KCNQ5: variants seen among roughly 807,000 people sequenced by gnomAD.
KCNQ5 encodes the protein potassium voltage-gated channel subfamily Q member 5, also known as potassium voltage-gated channel subfamily KQT member 5.
In KCNQ5, 30 loss-of-function variants were observed where a neutral mutation model predicts 98.2. The observed-to-expected ratio is 0.31, with a 90% CI of 0.23 to 0.41. The LOEUF is 0.41. Ranked by LOEUF, KCNQ5 falls within the 10% of genes least tolerant of loss-of-function variation. The pLI is 1.00. For synonymous variants in KCNQ5, 458 were observed against 449.4 expected (o/e 1.02, Z -0.24); for missense variants, 835 against 1,182.5 (o/e 0.71, Z 4.31).
At chr6:73,045,758 C>G (rs1204218115) in intron 3 of KCNQ5, among the ~76,000 whole-genome samples, 1 of 152,166 alleles carries the variant, frequency 6.6e-6, no homozygotes, top group Admixed American at 6.5e-5. Context: ...TGTCAGGAAG[C>G]CAACAAATTA....
intron 1 of KCNQ5, among the ~76,000 whole-genome samples, chr6:72,952,672 G>A (rs974257013): frequency 2.0e-4 from 31 of 152,164 alleles, no homozygotes; most frequent in African/African-American, 7.2e-4. Context: ...TAGACCTTGT[G>A]ACAATCAAAG....
chr6:72,868,088 T>C (rs1778064863), intron 1 of KCNQ5, among the ~76,000 whole-genome samples: 1 of 152,120 alleles, frequency 6.6e-6, no homozygotes, highest in African/African-American at 2.4e-5. Context: ...TTACATGGAC[T>C]GCATGTAACT....
chr6:72,901,941 A>G (rs1779522792), intron 1 of KCNQ5, among the ~76,000 whole-genome samples: 1 of 152,160 alleles, frequency 6.6e-6, no homozygotes, highest in East Asian at 1.9e-4. Flanking sequence ...TTTTAGCAGT[A>G]TGGTTGTTTT....
At chr6:72,924,850 T>A (rs1780558537) in intron 1 of KCNQ5, among the ~76,000 whole-genome samples, 1 of 152,220 alleles carries the variant, frequency 6.6e-6, no homozygotes, top group Admixed American at 6.5e-5. Context: ...GAGGGACCTC[T>A]GGCTGTTCCT....
intron 2 of KCNQ5, among the ~76,000 whole-genome samples, chr6:73,025,671 C>T (rs1369026437): frequency 7.0e-6 from 1 of 142,798 alleles, no homozygotes; most frequent in African/African-American, 2.5e-5. Flanking sequence ...TCAAGTGTTC[C>T]GAATTCCCAT....
At chr6:72,873,355 C>T (rs1287681709) in intron 1 of KCNQ5, among the ~76,000 whole-genome samples, 4 of 152,030 alleles carry the variant, frequency 2.6e-5, no homozygotes, top group African/African-American at 7.2e-5. Context: ...TTACATCTGT[C>T]GCCAATATGG....
intron 2 of KCNQ5, among the ~76,000 whole-genome samples, chr6:73,028,743 A>G (rs1177321078): frequency 6.6e-6 from 1 of 152,192 alleles, no homozygotes; most frequent in African/African-American, 2.4e-5. Context: ...AATTCAATAT[A>G]TGGGTCTATA....
intron 2 of KCNQ5, among the ~76,000 whole-genome samples, chr6:73,017,389 C>A (rs1413766866): frequency 6.6e-6 from 1 of 152,050 alleles, no homozygotes; most frequent in African/African-American, 2.4e-5. Flanking sequence ...ATGAGATGAT[C>A]AAAAACTATT....
chr6:72,912,062 TG>T (rs1779963393), intron 1 of KCNQ5, among the ~76,000 whole-genome samples: 1 of 152,076 alleles, frequency 6.6e-6, no homozygotes, highest in African/African-American at 2.4e-5. Context: ...ACAAAGAGAT[TG>T]GGGGATAAAA....
intron 1 of KCNQ5, among the ~76,000 whole-genome samples, chr6:72,782,450 ATTCT>A (rs1773533285): frequency 6.6e-6 from 1 of 152,188 alleles, no homozygotes; most frequent in South Asian, 2.1e-4. Flanking sequence ...TGATTATCCC[ATTCT>A]CCAGAAACAC....
intron 1 of KCNQ5, among the ~76,000 whole-genome samples, chr6:72,963,275 C>A (rs1185577334): frequency 6.6e-6 from 1 of 152,128 alleles, no homozygotes; most frequent in Non-Finnish European, 1.5e-5. Context: ...TGGAAAAAAA[C>A]CCTCTTTGCT....
intron 1 of KCNQ5, among the ~76,000 whole-genome samples, chr6:72,811,555 G>C (rs984767840): frequency 2.6e-5 from 4 of 152,168 alleles, no homozygotes; most frequent in African/African-American, 7.2e-5. Flanking sequence ...TTTCGTAAAA[G>C]AGTAAGAGAC....
At chr6:72,971,127 T>C (rs1171391257) in intron 1 of KCNQ5, among the ~76,000 whole-genome samples, 2 of 152,136 alleles carry the variant, frequency 1.3e-5, no homozygotes, top group African/African-American at 4.8e-5. Context: ...ATCCAGAATC[T>C]ACAAAGAACT....
At chr6:72,688,985 T>A (rs915174832) in intron 1 of KCNQ5, among the ~76,000 whole-genome samples, 5 of 152,160 alleles carry the variant, frequency 3.3e-5, no homozygotes, top group African/African-American at 1.2e-4. Context: ...AGAAAAACAT[T>A]ATAGCTATAA....
intron 1 of KCNQ5, chr6:72,640,655 C>G (rs779195142): frequency 3.3e-5 from 5 of 152,166 alleles, no homozygotes; most frequent in Non-Finnish European, 7.4e-5. Context: ...GCAGGAACTA[C>G]TGCTTTGACA....
intron 1 of KCNQ5, among the ~76,000 whole-genome samples, chr6:72,869,495 T>C (rs1778120802): frequency 6.6e-6 from 1 of 152,232 alleles, no homozygotes; most frequent in Non-Finnish European, 1.5e-5. Context: ...TGAACTTTAG[T>C]TTTTCCATTT....
intron 1 of KCNQ5, among the ~76,000 whole-genome samples, chr6:72,864,919 A>C (rs1428744015): frequency 6.6e-6 from 1 of 152,234 alleles, no homozygotes; most frequent in Non-Finnish European, 1.5e-5. Context: ...TGGGAAAACT[A>C]GCATTGTAAG....
intron 2 of KCNQ5, among the ~76,000 whole-genome samples, chr6:73,023,567 G>A (rs1012081682): frequency 2.0e-5 from 3 of 152,272 alleles, no homozygotes; most frequent in South Asian, 2.1e-4. Context: ...CTTCATTTTC[G>A]TATTAAGCCC....
intron 3 of KCNQ5, among the ~76,000 whole-genome samples, chr6:73,075,641 G>A (rs1169973711): frequency 2.6e-5 from 4 of 152,198 alleles, no homozygotes; most frequent in African/African-American, 9.7e-5. Flanking sequence ...TGGTGTCAGT[G>A]TCAACACATT....
Sources: allele counts gnomAD v4.1 joint callset (sites outside exome capture counted in the v4.1 genomes callset), GRCh38; gene constraint gnomAD v4.1.1; transcripts MANE v1.5; gene names NCBI Gene and HGNC (gene_info 2026-07-23, HGNC 2026-07-21).